Variants in CACNB4 observed in about 807,000 individuals in gnomAD.
The protein encoded by CACNB4 is voltage-dependent L-type calcium channel subunit beta-4.
A neutral mutation model predicts 71.2 loss-of-function variants in CACNB4; 32 were observed. That is an observed-to-expected ratio of 0.45 (90% CI 0.34 to 0.60). The LOEUF (loss-of-function observed/expected upper bound fraction) is 0.60. Ranked by LOEUF, CACNB4 falls within the 20% of genes least tolerant of loss-of-function variation. CACNB4 has a pLI of 0.01. For missense variants in CACNB4, 464 were observed against 647.9 expected, an observed-to-expected ratio of 0.72 and a Z score of 3.08; for synonymous variants, 231 against 236.9, an observed-to-expected ratio of 0.97 and a Z score of 0.23.
intron 2 of CACNB4, among the ~76,000 whole-genome samples, chr2:151,918,108 C>T (rs1467640483): frequency 6.6e-6 from 1 of 152,166 alleles, no homozygotes; most frequent in Non-Finnish European, 1.5e-5. Context: ...CACCCTCAAC[C>T]ATATGTACTG....
chr2:152,017,294 G>C lies in CACNB4; in HGVS notation c.147+81036C>G, dbSNP rs563682637. Among the ~76,000 whole-genome samples, 11 of 150,238 alleles carry C rather than the reference G, an allele frequency of 7.3e-5. No individual in the cohort carries two copies. The East Asian group carries it at 2.1e-3, about 29-fold the overall frequency. On this transcript the variant is annotated intron_variant, in intron 2 of 13. Coordinates refer to ENST00000539935, the MANE Select transcript of CACNB4 (RefSeq NM_000726.5). ...ACCCCTAGTGGTTCTGACACAAGTAGTTCTGCAGACCACATTTGAAAAATA... is the reference window on the plus strand; with the variant it reads ...ACCCCTAGTGGTTCTGACACAAGTACTTCTGCAGACCACATTTGAAAAATA...
Position 151,853,430 on chromosome 2 carries a change from A to G in CACNB4, c.1116+18T>C, listed in dbSNP as rs115324887. ...TAACTAGTCAAGAATGATGAAGACA[A>G]AAAATGATCATACTTACTGGGGGGC... On this transcript the variant is annotated intron_variant, in intron 12 of 13. Coordinates refer to ENST00000539935, the MANE Select transcript of CACNB4 (RefSeq NM_000726.5). The G allele has an allele frequency of 2.9e-3, 4,424 of 1,513,300 alleles. 95 individuals carry two copies. In the African/African-American group the frequency reaches 0.05, roughly 17 times the overall value. The allele number at this position is 1,513,300 out of a possible 1,614,324, so 93.7% of individuals were successfully genotyped here. A position where few individuals can be genotyped will look rare whatever the true frequency, so the allele number is the denominator to read the frequency against.
chr2:152,065,429 C>T (rs1355762176), intron 2 of CACNB4, among the ~76,000 whole-genome samples: 1 of 151,562 alleles, frequency 6.6e-6, no homozygotes, highest in Non-Finnish European at 1.5e-5. Context: ...CATGCTTTTT[C>T]CCCAGGGAAC....
intron 2 of CACNB4, among the ~76,000 whole-genome samples, chr2:151,884,801 A>G (rs569501133): frequency 6.6e-6 from 1 of 152,308 alleles, no homozygotes; most frequent in East Asian, 1.9e-4. Flanking sequence ...GCTGGCATTA[A>G]AAGTTGATAT....
chr2:151,970,606 T>C (rs2099872263), intron 2 of CACNB4: 1 of 152,182 alleles, frequency 6.6e-6, no homozygotes, highest in Non-Finnish European at 1.5e-5. Context: ...AAAAAAATCT[T>C]GGCCACTAGA....
chr2:151,853,422 T>C lies in CACNB4; in HGVS notation c.1116+26A>G, dbSNP rs2099839542. On this transcript the variant is annotated intron_variant, in intron 12 of 13. Coordinates refer to ENST00000539935, the MANE Select transcript of CACNB4 (RefSeq NM_000726.5). The stretch of plus-strand genomic sequence containing the variant: ...CCCTCTTCTAACTAGTCAAGAATGA[T>C]GAAGACAAAAAATGATCATACTTAC... 2.1e-6 allele frequency: 3 copies of C among 1,432,046 alleles called. No homozygotes were observed. In the South Asian group the frequency reaches 3.9e-5, roughly 18 times the overall value. 88.7% of individuals were successfully genotyped at this position (1,432,046 alleles called of 1,614,324 possible).
chr2:152,000,393 C>G (rs2151778225), intron 2 of CACNB4, among the ~76,000 whole-genome samples: 2 of 152,336 alleles, frequency 1.3e-5, no homozygotes, highest in South Asian at 4.1e-4. Flanking sequence ...GTCTTCTCAT[C>G]TGTAAAATGG....
chr2:151,937,181 G>C (rs916343803), intron 2 of CACNB4, among the ~76,000 whole-genome samples: 1 of 152,142 alleles, frequency 6.6e-6, no homozygotes, highest in African/African-American at 2.4e-5. Context: ...ATTCCTATCC[G>C]AGCAGGCCTT....
chr2:151,974,027 G>A (rs1579052060), intron 2 of CACNB4: 1 of 1,075,170 alleles, frequency 9.3e-7, no homozygotes, highest in Non-Finnish European at 1.1e-6. Flanking sequence ...GCTTCAGTCA[G>A]CTGAAGAGCG....
At position 151,870,701 on chromosome 2, in the gene CACNB4, T is replaced by C. The variant is rs537065056; in HGVS notation, c.619-90A>G. 8.4e-5 allele frequency: 109 copies of C among 1,300,032 alleles called. 1 individual carries two copies. In the South Asian group the frequency reaches 9.3e-4, roughly 11 times the overall value. The allele number at this position is 1,300,032 out of a possible 1,614,324, so 80.5% of individuals were successfully genotyped here. A position where few individuals can be genotyped will look rare whatever the true frequency, so the allele number is the denominator to read the frequency against. ...ATTCATAATTTCATAATTCTCAGGTTGAACGACAAATGATTATCAAAGTCC... is the reference window on the plus strand; with the variant it reads ...ATTCATAATTTCATAATTCTCAGGTCGAACGACAAATGATTATCAAAGTCC... On this transcript the variant is annotated intron_variant, in intron 7 of 13. Coordinates refer to ENST00000539935, the MANE Select transcript of CACNB4 (RefSeq NM_000726.5).
At chr2:151,930,621 C>T (rs936374673) in intron 2 of CACNB4, among the ~76,000 whole-genome samples, 1 of 152,104 alleles carries the variant, frequency 6.6e-6, no homozygotes, top group African/African-American at 2.4e-5. Context: ...TGACACAACC[C>T]AGCAGAGGAT....
chr2:151,973,980 A>C (rs1194381859), intron 2 of CACNB4: 8 of 1,195,010 alleles, frequency 6.7e-6, no homozygotes, highest in Non-Finnish European at 8.3e-6. Context: ...CTGGTGACTG[A>C]GCTAGGAAAG....
chr2:151,974,727 A>G (rs2099873456), intron 2 of CACNB4, among the ~76,000 whole-genome samples: 2 of 151,128 alleles, frequency 1.3e-5, no homozygotes, highest in African/African-American at 4.9e-5. Flanking sequence ...CTGCTGCTCC[A>G]CACCGCAACT....
intron 2 of CACNB4, among the ~76,000 whole-genome samples, chr2:151,974,602 G>C (rs533292924): frequency 1.3e-5 from 2 of 152,302 alleles, no homozygotes; most frequent in Non-Finnish European, 2.9e-5. Flanking sequence ...TTAAGCAACA[G>C]CCAATGTCTT....
At chr2:151,849,624 G>A (rs566263060) in intron 12 of CACNB4, among the ~76,000 whole-genome samples, 2 of 152,198 alleles carry the variant, frequency 1.3e-5, no homozygotes, top group African/African-American at 2.4e-5. Flanking sequence ...ATGTGGTCTG[G>A]TATCTATGCC....
intron 10 of CACNB4, chr2:151,859,620 T>A (rs545231441): frequency 6.6e-5 from 10 of 152,342 alleles, no homozygotes; most frequent in Admixed American, 3.9e-4. Flanking sequence ...TCCCTCTGCA[T>A]GTGGAAGGCT....
At chr2:152,048,139 T>C (rs1685231297) in intron 2 of CACNB4, among the ~76,000 whole-genome samples, 1 of 152,114 alleles carries the variant, frequency 6.6e-6, no homozygotes, top group African/African-American at 2.4e-5. Flanking sequence ...TGGTGGGCTG[T>C]CTGTGCATTG....
At chr2:151,877,630 T>C (rs924794697) in intron 4 of CACNB4, among the ~76,000 whole-genome samples, 1 of 152,354 alleles carries the variant, frequency 6.6e-6, no homozygotes, top group East Asian at 1.9e-4. Context: ...AGAGTCATGA[T>C]CTTTCAAATA....
chr2:151,869,477 A>ACCCTCTT (rs749199823), intron 8 of CACNB4: 9 of 397,918 alleles, frequency 2.3e-5, no homozygotes, highest in South Asian at 1.2e-4. Context: ...TGTTCACCAG[A>ACCCTCTT]CCCTCTTCCC....
Sources: gnomAD v4.1 joint callset for allele counts (sites outside exome capture counted in the v4.1 genomes callset) on GRCh38, gnomAD v4.1.1 for gene constraint, MANE v1.5 for transcripts, NCBI Gene and HGNC (gene_info 2026-07-23, HGNC 2026-07-21) for gene names.